Variants in FAM199X observed in about 807,000 individuals in gnomAD.
The protein encoded by FAM199X is family with sequence similarity 199, X-linked.
In FAM199X, 4 loss-of-function variants were observed where a neutral mutation model predicts 22.9. That is an observed-to-expected ratio of 0.17 (90% CI 0.09 to 0.40). The LOEUF (loss-of-function observed/expected upper bound fraction) is 0.40. Ranked by LOEUF, FAM199X falls within the 10% of genes least tolerant of loss-of-function variation. FAM199X has a pLI of 1.00. For missense variants in FAM199X, 183 were observed against 306.8 expected (o/e 0.60, Z 3.01); for synonymous variants, 101 against 112.3 (o/e 0.90, Z 0.64).
At chrX:104,174,144 C>T (rs1282750610) in intron 1 of FAM199X, among the ~76,000 whole-genome samples, 1 of 109,189 alleles carries the variant, frequency 9.2e-6, no homozygotes, top group Non-Finnish European at 1.9e-5. Flanking sequence ...GCATGTTGCA[C>T]CTGTGGTCCC....
At chrX:104,188,436 A>T in intron 5 of FAM199X, 130 bp downstream of exon 5, 1 of 794,515 alleles carries the variant, frequency 1.3e-6, no homozygotes, top group Non-Finnish European at 1.8e-6. Flanking sequence ...TAATTGAACA[A>T]GCAGGATGCT....
At position 104,193,318 on chromosome X, in the gene FAM199X, TA is replaced by T. The variant is rs1468808638; in HGVS notation, c.*3543del. ...TCATTGAAGAGCCTTGAAAGTTATC[TA>T]AAGTATGGCTTAATGTATTTTTTTC... On this transcript the variant is annotated 3_prime_UTR_variant, in exon 6 of 6. Transcript: ENST00000493442. The T allele has an allele frequency of 8.9e-6, 1 of 112,037 alleles. No individual in the cohort carries two copies. The highest frequency in any genetic ancestry group is 1.9e-5 in the Non-Finnish European group (1 of 53,013). 9.2% of individuals were successfully genotyped at this position (112,037 alleles called of 1,213,427 possible).
At chrX:104,184,204 T>C (rs1272706519) in intron 2 of FAM199X, among the ~76,000 whole-genome samples, 1 of 112,429 alleles carries the variant, frequency 8.9e-6, no homozygotes, top group Non-Finnish European at 1.9e-5. Context: ...GAATCCCCTG[T>C]ACCTATTATA....
rs1921969887 is a variant in FAM199X, at chrX:104,192,714, G to A, written c.*2936G>A. 9.0e-6 allele frequency: 1 copy of A among 110,950 alleles called. No homozygotes were observed. Among genetic ancestry groups the A allele is most frequent in the Admixed American group, 9.6e-5 (1 of 10,418 alleles). 9.1% of individuals were successfully genotyped at this position (110,950 alleles called of 1,213,427 possible). A position where few individuals can be genotyped will look rare whatever the true frequency, so the allele number is the denominator to read the frequency against. On this transcript the variant is annotated 3_prime_UTR_variant, in exon 6 of 6. Coordinates refer to ENST00000493442, the MANE Select transcript of FAM199X (RefSeq NM_207318.4). ...GAATAAAATAACACTTTTTTTTCAT[G>A]AGACTTACCTCATTTTTGTTAGGCT...
upstream of FAM199X, among the ~76,000 whole-genome samples, chrX:104,161,535 A>G (rs1391054014): frequency 8.9e-6 from 1 of 111,912 alleles, no homozygotes; most frequent in Non-Finnish European, 1.9e-5. Flanking sequence ...GGAACAATAT[A>G]TCTTATGTTC....
upstream of FAM199X, among the ~76,000 whole-genome samples, chrX:104,165,181 A>T (rs1254985986): frequency 2.7e-5 from 3 of 112,622 alleles, no homozygotes; most frequent in African/African-American, 9.7e-5. Flanking sequence ...TGAAAGCCAC[A>T]TACACAATGC....
intron 3 of FAM199X, 100 bp from the exon 4 acceptor site, chrX:104,186,360 A>G (rs1921807334): frequency 8.3e-6 from 9 of 1,086,538 alleles, no homozygotes; most frequent in Non-Finnish European, 1.1e-5. Flanking sequence ...GGGAACAAAT[A>G]TAACCTTAAG....
intron 1 of FAM199X, among the ~76,000 whole-genome samples, chrX:104,172,741 A>G (rs1479014980): frequency 9.1e-6 from 1 of 109,852 alleles, no homozygotes; most frequent in Non-Finnish European, 1.9e-5. Context: ...ATGGAGAGAA[A>G]CACATTTCTA....
At position 104,193,059 on chromosome X, in the gene FAM199X, T is replaced by A. The variant is rs1393715291; in HGVS notation, c.*3281T>A. On this transcript the variant is annotated 3_prime_UTR_variant, in exon 6 of 6. Transcript: ENST00000493442. ...CAGAGACTTTTTGTTTGTGGCTTAC[T>A]CTGTATAGCCTCATGTGCCTTAAAG... is the stretch of plus-strand genomic sequence containing the variant. 2 of 111,830 alleles carry A rather than the reference T, an allele frequency of 1.8e-5. No individual in the cohort carries two copies. The highest frequency in any genetic ancestry group is 3.2e-5 in the African/African-American group (1 of 30,982). 9.2% of individuals were successfully genotyped at this position (111,830 alleles called of 1,213,427 possible).
intron 2 of FAM199X, among the ~76,000 whole-genome samples, chrX:104,185,440 G>A (rs782195014): frequency 2.7e-5 from 3 of 110,537 alleles, no homozygotes; most frequent in Non-Finnish European, 3.8e-5. Context: ...TTGACTCTTC[G>A]GTTACCATTT....
intron 2 of FAM199X, among the ~76,000 whole-genome samples, chrX:104,185,054 G>A (rs1324252143): frequency 1.9e-5 from 2 of 104,325 alleles, no homozygotes; most frequent in Admixed American, 1.0e-4. Context: ...GGAATTACAG[G>A]CATGATAATT....
In FAM199X at chrX:104,191,567, C is replaced by T. The variant is rs1468405962; in HGVS notation, c.*1789C>T. ...CTCTGTGGAGGTGGAACAACTTAAC[C>T]TCACTGTTTTCCCTTCCAAGTATAG... On this transcript the variant is annotated 3_prime_UTR_variant, in exon 6 of 6. Transcript: ENST00000493442. 1 of 111,736 alleles carries T rather than the reference C, an allele frequency of 8.9e-6. No homozygotes were observed. The highest frequency in any genetic ancestry group is 3.3e-5 in the African/African-American group (1 of 30,741). 9.2% of individuals were successfully genotyped at this position (111,736 alleles called of 1,213,427 possible).
chrX:104,189,907 C>A lies in FAM199X; in HGVS notation c.*129C>A. On this transcript the variant is annotated 3_prime_UTR_variant, in exon 6 of 6. Coordinates refer to ENST00000493442, the MANE Select transcript of FAM199X (RefSeq NM_207318.4). ...CCATTAATAATTTAAGCCAGTGGTTCTTGGCAGGTGATCCCAAGACCTGCA... is the reference window on the plus strand; with the variant it reads ...CCATTAATAATTTAAGCCAGTGGTTATTGGCAGGTGATCCCAAGACCTGCA... 1.5e-6 allele frequency: 1 copy of A among 649,578 alleles called. No individual in the cohort carries two copies. The allele number at this position is 649,578 out of a possible 1,213,427, so 53.5% of individuals were successfully genotyped here. A position where few individuals can be genotyped will look rare whatever the true frequency, so the allele number is the denominator to read the frequency against.
In FAM199X at chrX:104,193,023, G is replaced by C. The variant is rs1921977836; in HGVS notation, c.*3245G>C. On this transcript the variant is annotated 3_prime_UTR_variant, in exon 6 of 6. Transcript: ENST00000493442. ...CAATATAGAAGTCTTGTTTGTTTCT[G>C]GGTTCTCCAGCAGAGACTTTTTGTT... is the stretch of plus-strand genomic sequence containing the variant. 9.0e-6 allele frequency: 1 copy of C among 111,526 alleles called. No homozygotes were observed. 9.2% of individuals were successfully genotyped at this position (111,526 alleles called of 1,213,427 possible). A position where few individuals can be genotyped will look rare whatever the true frequency, so the allele number is the denominator to read the frequency against.
upstream of FAM199X, among the ~76,000 whole-genome samples, chrX:104,165,065 C>T (rs996335241): frequency 9.0e-6 from 1 of 111,269 alleles, no homozygotes; most frequent in African/African-American, 3.3e-5. Flanking sequence ...GGCCTCAGAC[C>T]CCTGGGGATT....
At position 104,186,294 on chromosome X, in the gene FAM199X, A is replaced by G. The variant is rs1556379124; in HGVS notation, c.567+79A>G. 3 of 1,114,645 alleles carry G rather than the reference A, an allele frequency of 2.7e-6. No individual in the cohort carries two copies. In the African/African-American group the frequency reaches 5.4e-5, roughly 20 times the overall value. 91.9% of individuals were successfully genotyped at this position (1,114,645 alleles called of 1,213,427 possible). ...CTCAGTTTATTGCCTGTTTAAAGCTACTGGGGAAATGTGGATTGCTTAGTA... is the reference window on the plus strand; with the variant it reads ...CTCAGTTTATTGCCTGTTTAAAGCTGCTGGGGAAATGTGGATTGCTTAGTA... On this transcript the variant is annotated intron_variant, in intron 3 of 5. Transcript: ENST00000493442.
rs1921888293 is a variant in FAM199X, at chrX:104,189,623, C to T, written c.1012C>T (p.Arg338Trp). The change falls in exon 6 of 6, where the codon CGG (arginine) becomes TGG (tryptophan). Residue 338 changes from arginine to tryptophan, a missense_variant. By Grantham distance (101) the Arg-to-Trp change is moderately radical. Coordinates refer to ENST00000493442, the MANE Select transcript of FAM199X (RefSeq NM_207318.4). ...IRDSKKRSKQ[R>W]KLQQKAFRKR... Reference sequence around the variant, plus strand: ...ATTTTGACAGAAGCGATCCAAGCAGCGGAAGTTACAGCAGAAGGCCTTCCG... The same window carrying T: ...ATTTTGACAGAAGCGATCCAAGCAGTGGAAGTTACAGCAGAAGGCCTTCCG... The T allele has an allele frequency of 8.3e-7, 1 of 1,209,598 alleles. No individual in the cohort carries two copies. The highest frequency in any genetic ancestry group is 1.8e-5 in the African/African-American group (1 of 57,067).
chrX:104,173,746 C>A (rs1345920083), intron 1 of FAM199X, among the ~76,000 whole-genome samples: 1 of 111,275 alleles, frequency 9.0e-6, no homozygotes, highest in Non-Finnish European at 1.9e-5. Flanking sequence ...TAGTATAAAA[C>A]TAGTGGAAAT....
In FAM199X at chrX:104,177,744, C is replaced by T. The variant is rs1207537660; in HGVS notation, c.417+1902C>T. On this transcript the variant is annotated intron_variant, in intron 2 of 5. Transcript: ENST00000493442. ...TTGTGTGTCCTCTTTGGGGAAATAT[C>T]TATTCAGATACCTTGCTGCTTTTAA... is the stretch of plus-strand genomic sequence containing the variant. 2.7e-5 allele frequency among the ~76,000 whole-genome samples: 3 copies of T among 112,105 alleles called. No individual in the cohort carries two copies. The East Asian group carries it at 8.3e-4, about 31-fold the overall frequency.
Sources: allele counts gnomAD v4.1 joint callset (sites outside exome capture counted in the v4.1 genomes callset), GRCh38; gene constraint gnomAD v4.1.1; transcripts MANE v1.5; gene names NCBI Gene and HGNC (gene_info 2026-07-23, HGNC 2026-07-21).